STAB2: variants seen among roughly 807,000 people sequenced by gnomAD.
STAB2 encodes stabilin-2.
Under a neutral mutation model 338.1 loss-of-function variants are expected in STAB2, and 288 were observed. That is an observed-to-expected ratio of 0.85 (90% confidence interval 0.77 to 0.94). The LOEUF is 0.94. Among genes scored for constraint, STAB2 ranks in the 40% least tolerant of loss-of-function variants. STAB2 has a pLI of 0.00. For synonymous variants in STAB2, 1,202 were observed against 1,193.3 expected (o/e 1.01, Z -0.15); for missense variants, 3,141 against 3,210.1 (o/e 0.98, Z 0.52).
chr12:103,721,523 A>G (rs1308679168), intron 44 of STAB2, among the ~76,000 whole-genome samples: 7 of 152,228 alleles, frequency 4.6e-5, no homozygotes, highest in African/African-American at 1.7e-4. Context: ...ATGATCATGT[A>G]GGTCAATGTC....
intron 27 of STAB2, 25 bp downstream of exon 27, chr12:103,685,109 T>C: frequency 6.2e-7 from 1 of 1,605,784 alleles, no homozygotes; most frequent in Non-Finnish European, 8.5e-7. Context: ...ATGAACTCAA[T>C]AATATAGACA....
At chr12:103,744,235 C>A (rs1363157045) in intron 56 of STAB2, among the ~76,000 whole-genome samples, 3 of 152,072 alleles carry the variant, frequency 2.0e-5, no homozygotes, top group Non-Finnish European at 4.4e-5. Context: ...CCTCAACCTC[C>A]TGGGCTCAAG....
chr12:103,737,867 A>G (rs1882283056), intron 53 of STAB2, 87 bp downstream of exon 53: 3 of 1,541,558 alleles, frequency 1.9e-6, no homozygotes, highest in Admixed American at 3.9e-5. Context: ...TTGTGAAACC[A>G]TTAAGGGCCT....
chr12:103,746,039 A>G (rs1284400701), intron 57 of STAB2, among the ~76,000 whole-genome samples: 1 of 152,144 alleles, frequency 6.6e-6, no homozygotes, highest in Non-Finnish European at 1.5e-5. Context: ...TGTGGGCTTT[A>G]GCAACCTGAA....
chr12:103,733,324 C>A, intron 51 of STAB2, 142 bp downstream of exon 51: 2 of 978,712 alleles, frequency 2.0e-6, no homozygotes, highest in Non-Finnish European at 3.1e-6. Context: ...CCCTGCCCCA[C>A]TGTGTCCTCC....
Position 103,758,294 on chromosome 12 carries a change from G to C in STAB2, c.7107+5G>C. ...AGTGGGCTGGGGGAGAATGAGGTGA[G>C]TTGAGTCCCTGGTGCCTTTGCTTTA... is the stretch of plus-strand genomic sequence containing the variant. On this transcript the variant is annotated splice_donor_5th_base_variant and intron_variant, in intron 64 of 68. Coordinates refer to ENST00000388887, the MANE Select transcript of STAB2 (RefSeq NM_017564.10). The C allele has an allele frequency of 1.2e-6, 2 of 1,613,092 alleles. No individual in the cohort carries two copies. Among genetic ancestry groups the C allele is most frequent in the Non-Finnish European group, 1.7e-6 (2 of 1,180,012 alleles).
chr12:103,591,839 G>C (rs1394152476), intron 2 of STAB2, among the ~76,000 whole-genome samples: 1 of 152,186 alleles, frequency 6.6e-6, no homozygotes, highest in Non-Finnish European at 1.5e-5. Context: ...CTAGCTAATG[G>C]GTGCAGCCAT....
chr12:103,729,231 GA>G (rs1406408644), intron 48 of STAB2, among the ~76,000 whole-genome samples: 8 of 152,268 alleles, frequency 5.3e-5, no homozygotes, highest in Non-Finnish European at 8.8e-5. Flanking sequence ...AGAGGATCAT[GA>G]AAAATAACTA....
chr12:103,678,683 C>T (rs909543833), intron 25 of STAB2, among the ~76,000 whole-genome samples: 13 of 152,186 alleles, frequency 8.5e-5, no homozygotes, highest in East Asian at 1.9e-4. Context: ...CCCACCACCA[C>T]GCCTGGCTAA....
chr12:103,708,973 C>T (rs1329677606), intron 39 of STAB2, among the ~76,000 whole-genome samples: 3 of 152,164 alleles, frequency 2.0e-5, no homozygotes, highest in Non-Finnish European at 4.4e-5. Flanking sequence ...CTCTCAAACA[C>T]TGCTACAATA....
At chr12:103,675,892 T>C (rs1248679043) in intron 23 of STAB2, 36 bp from the exon 24 acceptor site, 2 of 1,555,576 alleles carry the variant, frequency 1.3e-6, no homozygotes, top group Non-Finnish European at 1.8e-6. Flanking sequence ...CGTTGGTGCT[T>C]ATTCTGGGGC....
intron 3 of STAB2, among the ~76,000 whole-genome samples, chr12:103,600,555 C>T (rs1429885417): frequency 6.6e-6 from 1 of 152,210 alleles, no homozygotes; most frequent in East Asian, 1.9e-4. Context: ...CTCCCAAAGG[C>T]CCCACCTGCA....
chr12:103,620,793 T>G (rs1358254400), intron 4 of STAB2, among the ~76,000 whole-genome samples: 3 of 152,196 alleles, frequency 2.0e-5, no homozygotes, highest in African/African-American at 7.2e-5. Context: ...CTTAAGCATA[T>G]CCACTTGTAA....
chr12:103,719,465 C>G (rs1466159706), intron 44 of STAB2, among the ~76,000 whole-genome samples: 3 of 152,182 alleles, frequency 2.0e-5, no homozygotes, highest in Non-Finnish European at 4.4e-5. Flanking sequence ...AGGACCAAAT[C>G]CAAAATTAAG....
At chr12:103,715,994 G>A in intron 43 of STAB2, 106 bp downstream of exon 43, 4 of 1,189,892 alleles carry the variant, frequency 3.4e-6, no homozygotes, top group East Asian at 2.4e-5. Flanking sequence ...CTAAAGAGCT[G>A]CAGCTGAAAA....
chr12:103,591,128 TAAGAC>T, intron 2 of STAB2, 98 bp downstream of exon 2: 1 of 1,524,248 alleles, frequency 6.6e-7, no homozygotes. Context: ...TCTCTTGCTC[TAAGAC>T]AATAAGCCCA....
At chr12:103,761,186 G>C (rs1884508562) in intron 65 of STAB2, 114 bp from the exon 66 acceptor site, 1 of 902,146 alleles carries the variant, frequency 1.1e-6, no homozygotes, top group African/African-American at 1.6e-5. Flanking sequence ...CCTATCAGTG[G>C]AGACAAACCT....
rs373686630 is a variant in STAB2 at position 103,739,572 on chromosome 12, T to TGTGTGCGC, written c.5754+105_5754+106insTGTGCGCG. The TGTGTGCGC allele has an allele frequency of 6.7e-4, 496 of 735,744 alleles. 5 individuals are homozygous for TGTGTGCGC. In the African/African-American group the frequency reaches 9.3e-3, roughly 14 times the overall value. 45.6% of individuals were successfully genotyped at this position (735,744 alleles called of 1,614,324 possible). ...GTGTGTGTGTGTGTGTGTGTGTGTGTGCCCGTGCACGTATGTTGCATAAAT... is the reference window on the plus strand; with the variant it reads ...GTGTGTGTGTGTGTGTGTGTGTGTGTGTGTGCGCGCCCGTGCACGTATGTTGCATAAAT... On this transcript the variant is annotated intron_variant, in intron 54 of 68. Coordinates refer to ENST00000388887, the MANE Select transcript of STAB2 (RefSeq NM_017564.10).
chr12:103,723,277 G>A (rs1190380837), intron 44 of STAB2, among the ~76,000 whole-genome samples: 1 of 152,226 alleles, frequency 6.6e-6, no homozygotes, highest in African/African-American at 2.4e-5. Flanking sequence ...AGTTCCCCAT[G>A]GCTGGGGAGG....
Sources: gnomAD v4.1 joint callset for allele counts (sites outside exome capture counted in the v4.1 genomes callset) on GRCh38, gnomAD v4.1.1 for gene constraint, MANE v1.5 for transcripts, NCBI Gene and HGNC (gene_info 2026-07-23, HGNC 2026-07-21) for gene names.